The following FAM107B variants were observed in gnomAD, a reference collection of about 807,000 sequenced individuals.
FAM107B encodes family with sequence similarity 107 member B.
Under a neutral mutation model 31.5 loss-of-function variants are expected in FAM107B, and 21 were observed. That is an observed-to-expected ratio of 0.67 (90% CI 0.47 to 0.96). The LOEUF is 0.96. FAM107B is among the 40% of genes least tolerant of loss of function. The pLI, the probability that FAM107B is intolerant of heterozygous loss-of-function variation, is 0.00. For missense variants in FAM107B, 452 were observed against 377.1 expected (o/e 1.20, Z -1.64); for synonymous variants, 157 against 141.5 (o/e 1.11, Z -0.78).
intron 2 of FAM107B, among the ~76,000 whole-genome samples, chr10:14,560,829 T>C (rs150163403): frequency 2.1e-3 from 314 of 152,326 alleles, no homozygotes; most frequent in African/African-American, 6.9e-3. Flanking sequence ...GATGTTTACA[T>C]ATTAGAAATT....
chr10:14,665,715 G>A (rs909651593), intron 2 of FAM107B, among the ~76,000 whole-genome samples: 3 of 152,150 alleles, frequency 2.0e-5, no homozygotes, highest in Non-Finnish European at 4.4e-5. Context: ...TATGAAAGTA[G>A]GCTTTCAAAC....
At chr10:14,585,853 A>T (rs113800705) in intron 2 of FAM107B, among the ~76,000 whole-genome samples, 45 of 152,270 alleles carry the variant, frequency 3.0e-4, no homozygotes, top group African/African-American at 1.1e-3. Context: ...TTAATTGTCG[A>T]CCACAGCAGT....
At chr10:14,603,812 G>T (rs764834848) in intron 2 of FAM107B, among the ~76,000 whole-genome samples, 3 of 151,864 alleles carry the variant, frequency 2.0e-5, no homozygotes, top group Non-Finnish European at 4.4e-5. Flanking sequence ...CCTGGCGGGG[G>T]CTGGCGTCGG....
At chr10:14,704,168 C>T (rs1352714411) in intron 1 of FAM107B, among the ~76,000 whole-genome samples, 2 of 151,914 alleles carry the variant, frequency 1.3e-5, no homozygotes, top group Non-Finnish European at 2.9e-5. Context: ...TGTTAAATGC[C>T]CTTAGAGATT....
chr10:14,758,873 GAAAAA>G (rs57967855), intron 1 of FAM107B, among the ~76,000 whole-genome samples: 6 of 38,968 alleles, frequency 1.5e-4, no homozygotes, highest in African/African-American at 4.9e-4. Flanking sequence ...GACCCTCTCA[GAAAAA>G]AAAAAAAAAA....
intron 2 of FAM107B, among the ~76,000 whole-genome samples, chr10:14,599,082 G>C (rs1174676885): frequency 6.6e-6 from 1 of 152,226 alleles, no homozygotes; most frequent in Non-Finnish European, 1.5e-5. Flanking sequence ...AAAGGAGAGA[G>C]AGAATGAGGA....
intron 1 of FAM107B, among the ~76,000 whole-genome samples, chr10:14,751,423 T>C (rs575705480): frequency 1.8e-4 from 27 of 151,124 alleles, no homozygotes; most frequent in African/African-American, 6.3e-4. Flanking sequence ...AGAAGGGGAG[T>C]CTGAAAACCT....
intron 2 of FAM107B, among the ~76,000 whole-genome samples, chr10:14,624,719 C>T (rs1184690941): frequency 1.3e-5 from 2 of 152,150 alleles, no homozygotes; most frequent in African/African-American, 4.8e-5. Context: ...ACAAGCTGCA[C>T]TCATGACAAA....
At chr10:14,636,579 G>T (rs138634646) in intron 2 of FAM107B, among the ~76,000 whole-genome samples, 1 of 151,950 alleles carries the variant, frequency 6.6e-6, no homozygotes, top group African/African-American at 2.4e-5. Context: ...AGTAATATTG[G>T]ATTATGGCCC....
chr10:14,751,024 G>A (rs190397647), intron 1 of FAM107B, among the ~76,000 whole-genome samples: 49 of 152,288 alleles, frequency 3.2e-4, no homozygotes, highest in African/African-American at 1.1e-3. Flanking sequence ...CCTGCCCAAG[G>A]CATGGTTTCC....
chr10:14,686,512 T>C (rs774269125), intron 1 of FAM107B, among the ~76,000 whole-genome samples: 4 of 152,084 alleles, frequency 2.6e-5, no homozygotes, highest in Non-Finnish European at 5.9e-5. Context: ...AGGTTGGAAT[T>C]ATGTCTATGA....
intron 2 of FAM107B, chr10:14,532,721 T>C (rs571429146): frequency 2.0e-5 from 3 of 152,304 alleles, no homozygotes; most frequent in East Asian, 3.9e-4. Flanking sequence ...GTCTGAAAAA[T>C]CAACTGCAGT....
intron 2 of FAM107B, among the ~76,000 whole-genome samples, chr10:14,630,852 A>AAAT (rs374937878): frequency 1.3e-5 from 2 of 152,006 alleles, no homozygotes; most frequent in Non-Finnish European, 2.9e-5. Context: ...CCCGTCTCAA[A>AAAT]AATAATAATA....
At chr10:14,656,272 G>A (rs571589070) in intron 2 of FAM107B, among the ~76,000 whole-genome samples, 2 of 152,290 alleles carry the variant, frequency 1.3e-5, no homozygotes, top group South Asian at 4.1e-4. Context: ...GCATGGGGGC[G>A]ATAAAGAGGC....
At chr10:14,745,516 G>A (rs1832708340) in intron 1 of FAM107B, among the ~76,000 whole-genome samples, 1 of 151,978 alleles carries the variant, frequency 6.6e-6, no homozygotes, top group African/African-American at 2.4e-5. Flanking sequence ...GTTCTTATTG[G>A]TTTCAAAGAC....
chr10:14,723,826 A>G (rs1184384187), intron 1 of FAM107B: 5 of 756,722 alleles, frequency 6.6e-6, no homozygotes, highest in Non-Finnish European at 1.2e-5. Flanking sequence ...CCTGGAGGAC[A>G]TGACACTGAC....
chr10:14,710,191 C>T (rs1327975297), intron 1 of FAM107B, among the ~76,000 whole-genome samples: 1 of 152,112 alleles, frequency 6.6e-6, no homozygotes, highest in East Asian at 1.9e-4. Context: ...GAACTCTCTA[C>T]TTTCTGCTAG....
intron 2 of FAM107B, among the ~76,000 whole-genome samples, chr10:14,590,641 C>A (rs1851984990): frequency 6.6e-6 from 1 of 152,106 alleles, no homozygotes; most frequent in Non-Finnish European, 1.5e-5. Flanking sequence ...CAAGTATCTA[C>A]CCTCTCCAAA....
chr10:14,735,887 T>G (rs906519113), intron 1 of FAM107B, among the ~76,000 whole-genome samples: 1 of 152,162 alleles, frequency 6.6e-6, no homozygotes, highest in South Asian at 2.1e-4. Context: ...GTGACATTAC[T>G]ATATCTCTAC....
Sources: gnomAD v4.1 joint callset for allele counts (sites outside exome capture counted in the v4.1 genomes callset) on GRCh38, gnomAD v4.1.1 for gene constraint, MANE v1.5 for transcripts, NCBI Gene and HGNC (gene_info 2026-07-23, HGNC 2026-07-21) for gene names.